Variants in GABRA4 observed in about 807,000 individuals in gnomAD.
GABRA4 encodes the protein gamma-aminobutyric acid type A receptor subunit alpha4, also known as gamma-aminobutyric acid receptor subunit alpha-4.
GABRA4 carries 12 observed loss-of-function variants against 49.7 expected under a neutral mutation model. The ratio of observed to expected loss-of-function variants is 0.24; its 90% CI spans 0.15 to 0.39. GABRA4 has a LOEUF of 0.39. Ranked by LOEUF, GABRA4 falls within the 10% of genes least tolerant of loss-of-function variation. The probability of loss-of-function intolerance (pLI) is 1.00; values close to 1 mark genes in which losing one functional copy is unlikely to be tolerated. For missense variants in GABRA4, 506 were observed against 686.0 expected (o/e 0.74, Z 2.93); for synonymous variants, 288 against 240.2 (o/e 1.20, Z -1.84).
At chr4:46,989,284 T>C (rs976215654) in intron 2 of GABRA4, among the ~76,000 whole-genome samples, 1 of 152,182 alleles carries the variant, frequency 6.6e-6, no homozygotes, top group Non-Finnish European at 1.5e-5. Flanking sequence ...TGTAACAGTG[T>C]TACAGTGTTG....
At chr4:46,977,717 C>T in intron 3 of GABRA4, 87 bp from the exon 4 acceptor site, 2 of 874,844 alleles carry the variant, frequency 2.3e-6, no homozygotes, top group South Asian at 1.8e-5. Context: ...TGTCTTCCTT[C>T]ATGCTCATAA....
At chr4:46,993,161 G>T (rs535723787) in intron 1 of GABRA4, among the ~76,000 whole-genome samples, 178 bp downstream of exon 1, 52 of 152,180 alleles carry the variant, frequency 3.4e-4, no homozygotes, top group Non-Finnish European at 6.9e-4. Context: ...TGGATCCTGC[G>T]CCCTTGGTGC....
At chr4:46,979,526 T>C (rs561837831) in intron 2 of GABRA4, among the ~76,000 whole-genome samples, 116 of 152,176 alleles carry the variant, frequency 7.6e-4, no homozygotes, top group Middle Eastern at 3.4e-3. Context: ...AAGGAATGTA[T>C]CCTTGGAGAG....
intron 2 of GABRA4, among the ~76,000 whole-genome samples, chr4:46,982,200 A>G (rs557491961): frequency 6.6e-6 from 1 of 152,254 alleles, no homozygotes; most frequent in East Asian, 1.9e-4. Context: ...GAGTATTGTT[A>G]TGAGCTAAAC....
rs1239394787 is a variant in GABRA4, at chr4:46,971,217, G to A, written c.740C>T (p.Thr247Met). The change falls in exon 7 of 9, where the codon ACG (threonine) becomes ATG (methionine). Residue 247 changes from threonine to methionine, a missense_variant. Coordinates refer to ENST00000264318, the MANE Select transcript of GABRA4 (RefSeq NM_000809.4). ...KSITGEYIVM[T>M]VYFHLRRKMG... ...CTTCCGTCTGAGGTGGAAGTAAACC[G>A]TCATAACAATATATTCACCTGCCAA... The A allele has an allele frequency of 2.5e-6, 4 of 1,609,110 alleles. No individual in the cohort carries two copies. Among genetic ancestry groups the A allele is most frequent in the African/African-American group, 1.3e-5 (1 of 74,580 alleles).
At chr4:46,947,908 C>A (rs1722035608) in intron 8 of GABRA4, among the ~76,000 whole-genome samples, 1 of 152,010 alleles carries the variant, frequency 6.6e-6, no homozygotes, top group Admixed American at 6.6e-5. Flanking sequence ...CTCAGAGTCT[C>A]TCATGTGGTT....
intron 6 of GABRA4, 72 bp downstream of exon 6, chr4:46,974,160 A>T: frequency 6.8e-7 from 1 of 1,461,348 alleles, no homozygotes; most frequent in Admixed American, 2.1e-5. Context: ...AACTATTTCA[A>T]TGAAAAAGTC....
intron 8 of GABRA4, among the ~76,000 whole-genome samples, chr4:46,938,084 T>A (rs1721659336): frequency 6.6e-6 from 1 of 152,190 alleles, no homozygotes; most frequent in Non-Finnish European, 1.5e-5. Flanking sequence ...AGAATATTTT[T>A]AATCCTTGAA....
At chr4:46,941,126 C>T (rs1367393526) in intron 8 of GABRA4, among the ~76,000 whole-genome samples, 1 of 151,768 alleles carries the variant, frequency 6.6e-6, no homozygotes, top group Non-Finnish European at 1.5e-5. Flanking sequence ...AATATAACCA[C>T]TTCAGCCAGG....
At chr4:46,953,609 A>T (rs1257459803) in intron 8 of GABRA4, among the ~76,000 whole-genome samples, 3 of 152,166 alleles carry the variant, frequency 2.0e-5, no homozygotes, top group Non-Finnish European at 4.4e-5. Context: ...GTGCAAAATT[A>T]ATTGGTGATT....
rs920244747 is a variant in GABRA4 at position 46,925,645 on chromosome 4, T to C, written c.*2580A>G. The C allele has an allele frequency of 6.6e-6, 1 of 150,920 alleles. No individual in the cohort carries two copies. The highest frequency in any genetic ancestry group is 1.5e-5 in the Non-Finnish European group (1 of 67,630). 9.3% of individuals were successfully genotyped at this position (150,920 alleles called of 1,614,324 possible). On this transcript the variant is annotated 3_prime_UTR_variant, in exon 9 of 9. Transcript: ENST00000264318. ...ATGTACCTCTGGGTTATTGGGAAGATAGAAATAATGACCAAAATAAAAATC... is the reference window on the plus strand; with the variant it reads ...ATGTACCTCTGGGTTATTGGGAAGACAGAAATAATGACCAAAATAAAAATC...
intron 8 of GABRA4, among the ~76,000 whole-genome samples, chr4:46,937,957 G>T (rs779415080): frequency 6.6e-6 from 1 of 152,096 alleles, no homozygotes; most frequent in African/African-American, 2.4e-5. Flanking sequence ...GTATGTTTCT[G>T]TGTGTATGTG....
chr4:46,977,785 C>CA (rs1723199003), intron 3 of GABRA4, among the ~76,000 whole-genome samples, 155 bp from the exon 4 acceptor site: 1 of 152,002 alleles, frequency 6.6e-6, no homozygotes, highest in South Asian at 2.1e-4. Flanking sequence ...ATCAATGGAG[C>CA]AAAAAGATTC....
chr4:46,985,890 C>T (rs1723516574), intron 2 of GABRA4, among the ~76,000 whole-genome samples: 1 of 151,524 alleles, frequency 6.6e-6, no homozygotes, highest in Non-Finnish European at 1.5e-5. Flanking sequence ...TCCCACCAAT[C>T]TAATGTTAAA....
intron 5 of GABRA4, among the ~76,000 whole-genome samples, chr4:46,975,263 T>C (rs1723100604): frequency 6.6e-6 from 1 of 151,864 alleles, no homozygotes; most frequent in South Asian, 2.1e-4. Flanking sequence ...TCAAAAGGAG[T>C]TGACACCTAA....
chr4:46,941,507 T>G (rs1056135800), intron 8 of GABRA4, among the ~76,000 whole-genome samples: 3 of 152,178 alleles, frequency 2.0e-5, no homozygotes, highest in South Asian at 2.1e-4. Context: ...TGATCAATAT[T>G]TGTTAAATGT....
intron 8 of GABRA4, among the ~76,000 whole-genome samples, chr4:46,948,895 C>T (rs1196505296): frequency 6.6e-6 from 1 of 152,112 alleles, no homozygotes; most frequent in Non-Finnish European, 1.5e-5. Context: ...TTTTATCCTA[C>T]TTGCTTCAGC....
In GABRA4 at chr4:46,925,542, T is replaced by A. The variant is rs1190227791; in HGVS notation, c.*2683A>T. On this transcript the variant is annotated 3_prime_UTR_variant, in exon 9 of 9. Transcript: ENST00000264318. ...TTATTATTCATAGATAACCAGAACT[T>A]TGGGTGCCCCTAATCATTCTTCTGA... 2 of 151,580 alleles carry A rather than the reference T, an allele frequency of 1.3e-5. No individual in the cohort carries two copies. Among genetic ancestry groups the A allele is most frequent in the African/African-American group, 4.8e-5 (2 of 41,346 alleles). 9.4% of individuals were successfully genotyped at this position (151,580 alleles called of 1,614,324 possible).
At chr4:46,936,305 A>G (rs1392709804) in intron 8 of GABRA4, among the ~76,000 whole-genome samples, 1 of 152,060 alleles carries the variant, frequency 6.6e-6, no homozygotes, top group Non-Finnish European at 1.5e-5. Context: ...GCTGGAGTGC[A>G]ATGGCGTAAT....
Sources: allele counts gnomAD v4.1 joint callset (sites outside exome capture counted in the v4.1 genomes callset), GRCh38; gene constraint gnomAD v4.1.1; transcripts MANE v1.5; gene names NCBI Gene and HGNC (gene_info 2026-07-23, HGNC 2026-07-21).